Variants in PSD3 observed in about 807,000 individuals in gnomAD.
The protein encoded by PSD3 is pleckstrin and Sec7 domain containing 3.
PSD3 carries 49 observed loss-of-function variants against 105.5 expected under a neutral mutation model. The observed-to-expected ratio is 0.46, with a 90% CI of 0.37 to 0.59. The LOEUF (loss-of-function observed/expected upper bound fraction) is 0.59, where lower values mean the gene tolerates loss of function less well. Ranked by LOEUF, PSD3 falls within the 20% of genes least tolerant of loss-of-function variation. The probability of loss-of-function intolerance (pLI) is 0.00; values close to 1 mark genes in which losing one functional copy is unlikely to be tolerated. For missense variants in PSD3, 1,561 were observed against 1,263.8 expected (o/e 1.24, Z -3.57); for synonymous variants, 557 against 457.8 (o/e 1.22, Z -2.77).
chr8:19,073,856 T>C (rs1010228528), intron 1 of PSD3, among the ~76,000 whole-genome samples: 1 of 151,486 alleles, frequency 6.6e-6, no homozygotes, highest in African/African-American at 2.4e-5. Context: ...AGTGGTAGGA[T>C]CTCGGCTCAC....
chr8:18,805,309 T>C (rs1423339702), intron 4 of PSD3, among the ~76,000 whole-genome samples: 1 of 152,114 alleles, frequency 6.6e-6, no homozygotes, highest in African/African-American at 2.4e-5. Context: ...TAAAATTCAC[T>C]GTTTTTTTAA....
chr8:18,778,711 AATTAT>A (rs1023664250), intron 8 of PSD3, among the ~76,000 whole-genome samples: 3 of 151,852 alleles, frequency 2.0e-5, no homozygotes, highest in African/African-American at 7.2e-5. Flanking sequence ...AAAAATATAT[AATTAT>A]ATTAAAAATA....
chr8:18,850,679 T>C (rs574330591), intron 4 of PSD3, among the ~76,000 whole-genome samples: 1 of 152,266 alleles, frequency 6.6e-6, no homozygotes, highest in South Asian at 2.1e-4. Context: ...AAAGGAAAGA[T>C]AGTCACTATC....
chr8:18,821,684 A>AACACACACACACACACACACAC lies in PSD3; in HGVS notation c.1635-16808_1635-16787dup, dbSNP rs10527060. Among the ~76,000 whole-genome samples, 245 of 131,366 alleles carry AACACACACACACACACACACAC rather than the reference A, an allele frequency of 1.9e-3. 3 individuals carry two copies. The highest frequency in any genetic ancestry group is 6.8e-3 in the East Asian group (29 of 4,290). The allele number at this position is 131,366 out of a possible 152,430, so 86.2% of individuals were successfully genotyped here. A position where few individuals can be genotyped will look rare whatever the true frequency, so the allele number is the denominator to read the frequency against. ...TTAATTCCAAAATTTTGACCCCCAC[A>AACACACACACACACACACACAC]ACACACACACACACACACACACACA... On this transcript the variant is annotated intron_variant, in intron 4 of 15. Transcript: ENST00000327040.
intron 10 of PSD3, among the ~76,000 whole-genome samples, chr8:18,650,409 A>G (rs567713035): frequency 6.6e-6 from 1 of 152,358 alleles, no homozygotes; most frequent in South Asian, 2.1e-4. Flanking sequence ...AGCAGGCTGC[A>G]TGATGCAAGT....
intron 11 of PSD3, among the ~76,000 whole-genome samples, chr8:18,603,724 C>T (rs922188143): frequency 6.6e-6 from 1 of 152,160 alleles, no homozygotes; most frequent in South Asian, 2.1e-4. Flanking sequence ...TGGTTTAGCA[C>T]CATCCGCTTC....
At chr8:18,620,356 T>G (rs1221241505) in intron 11 of PSD3, among the ~76,000 whole-genome samples, 1 of 135,280 alleles carries the variant, frequency 7.4e-6, no homozygotes, top group Non-Finnish European at 1.6e-5. Context: ...TTTTTTTTTT[T>G]TTTTCCCCAG....
intron 8 of PSD3, among the ~76,000 whole-genome samples, chr8:18,795,999 G>A (rs1317308842): frequency 1.3e-5 from 2 of 152,032 alleles, no homozygotes; most frequent in African/African-American, 4.8e-5. Flanking sequence ...AGATAAAGAG[G>A]CATTTCAAAA....
At chr8:18,573,007 T>C (rs1802236072) in intron 13 of PSD3, among the ~76,000 whole-genome samples, 1 of 152,222 alleles carries the variant, frequency 6.6e-6, no homozygotes, top group Admixed American at 6.5e-5. Context: ...TCATCTCTTC[T>C]AATTGTACTG....
At chr8:18,919,751 T>G (rs938465370) in intron 2 of PSD3, among the ~76,000 whole-genome samples, 2 of 147,182 alleles carry the variant, frequency 1.4e-5, no homozygotes, top group Non-Finnish European at 3.0e-5. Flanking sequence ...ATCGCAATAA[T>G]AAAAAACCAA....
At chr8:18,609,754 A>G in intron 11 of PSD3, among the ~76,000 whole-genome samples, 1 of 152,252 alleles carries the variant, frequency 6.6e-6, no homozygotes, top group Non-Finnish European at 1.5e-5. Context: ...ACAGACTCAC[A>G]GATGATTAAG....
At chr8:19,062,006 A>C (rs1253313138) in intron 1 of PSD3, among the ~76,000 whole-genome samples, 1 of 152,180 alleles carries the variant, frequency 6.6e-6, no homozygotes, top group South Asian at 2.1e-4. Flanking sequence ...CTGTCTGGCT[A>C]CTTTGTCCTC....
chr8:19,068,906 G>C (rs1260217279), intron 1 of PSD3, among the ~76,000 whole-genome samples: 1 of 151,998 alleles, frequency 6.6e-6, no homozygotes, highest in Non-Finnish European at 1.5e-5. Context: ...TCAAGGGGTG[G>C]CCTGGAAAGG....
rs375424595 is a variant in PSD3 at position 18,563,499 on chromosome 8, C to G, written c.2785-7147G>C. ...GCTAAACACTGGAAACTGTTCAAAACGAAGTGGTACAGAATTTAGAATACA... is the reference window on the plus strand; with the variant it reads ...GCTAAACACTGGAAACTGTTCAAAAGGAAGTGGTACAGAATTTAGAATACA... On this transcript the variant is annotated intron_variant, in intron 14 of 15. Coordinates refer to ENST00000327040, the MANE Select transcript of PSD3 (RefSeq NM_015310.4). 2.0e-5 allele frequency among the ~76,000 whole-genome samples: 3 copies of G among 151,900 alleles called. No homozygotes were observed. In the East Asian group the frequency reaches 5.8e-4, roughly 29 times the overall value.
At chr8:18,948,344 G>T (rs987927305) in intron 1 of PSD3, among the ~76,000 whole-genome samples, 1 of 152,176 alleles carries the variant, frequency 6.6e-6, no homozygotes, top group East Asian at 1.9e-4. Flanking sequence ...AGCTCTCCAC[G>T]TTGGGAGAGC....
intron 15 of PSD3, among the ~76,000 whole-genome samples, chr8:18,536,358 A>G (rs1388241955): frequency 6.6e-6 from 1 of 152,126 alleles, no homozygotes; most frequent in Non-Finnish European, 1.5e-5. Flanking sequence ...CTCCCCAGGT[A>G]GTCCAGGCCT....
At chr8:18,936,448 A>C (rs1308129394) in intron 1 of PSD3, among the ~76,000 whole-genome samples, 1 of 152,196 alleles carries the variant, frequency 6.6e-6, no homozygotes. Context: ...AATTAACTTA[A>C]TGTAACTTTT....
At chr8:18,735,419 G>A (rs1249350610) in intron 9 of PSD3, among the ~76,000 whole-genome samples, 3 of 152,136 alleles carry the variant, frequency 2.0e-5, no homozygotes, top group Non-Finnish European at 4.4e-5. Flanking sequence ...GCGAATGGAC[G>A]ATAAACGTAC....
Position 18,801,299 on chromosome 8 carries a change from TA to T in PSD3, c.1993del (p.Tyr665IlefsTer20). 1 of 1,601,560 alleles carries T rather than the reference TA, an allele frequency of 6.2e-7. No homozygotes were observed. The highest frequency in any genetic ancestry group is 8.5e-7 in the Non-Finnish European group (1 of 1,170,594). On this transcript the variant is annotated frameshift_variant, in exon 7 of 16. Transcript: ENST00000327040. LOFTEE classifies it high-confidence loss of function. ...VLIHFSNRYF[Y>X]CNPDTIASQD... ...TGAAGCAATGGTATCTGGGTTACAA[TA>T]AAAATATCTATTGGAGAAGTGTATT...
Sources: allele counts gnomAD v4.1 joint callset (sites outside exome capture counted in the v4.1 genomes callset), GRCh38; gene constraint gnomAD v4.1.1; transcripts MANE v1.5; gene names NCBI Gene and HGNC (gene_info 2026-07-23, HGNC 2026-07-21).